Variants in FIGN observed in about 807,000 individuals in gnomAD.
FIGN encodes the protein fidgetin.
FIGN carries 11 observed loss-of-function variants against 51.3 expected under a neutral mutation model. The observed-to-expected ratio is 0.21, with a 90% CI of 0.13 to 0.35. The LOEUF (loss-of-function observed/expected upper bound fraction) is 0.35. Ranked by LOEUF, FIGN falls within the 10% of genes least tolerant of loss-of-function variation. The pLI, the probability that FIGN is intolerant of heterozygous loss-of-function variation, is 1.00. For synonymous variants in FIGN, 407 were observed against 363.2 expected (o/e 1.12, Z -1.37); for missense variants, 857 against 943.6 (o/e 0.91, Z 1.20).
At chr2:163,612,691 A>AGTGT (rs1188359717) in intron 2 of FIGN, 11 of 678,206 alleles carry the variant, frequency 1.6e-5, no homozygotes, top group Non-Finnish European at 1.9e-5. Context: ...AAGAGGGGAG[A>AGTGT]ATGTGTGTGT....
chr2:163,660,592 G>A (rs1317335766), intron 2 of FIGN, among the ~76,000 whole-genome samples: 1 of 148,906 alleles, frequency 6.7e-6, no homozygotes, highest in African/African-American at 2.5e-5. Context: ...TTCCACCTCT[G>A]GTGGACTATT....
chr2:163,625,280 C>G (rs983097495), intron 2 of FIGN, among the ~76,000 whole-genome samples: 1 of 151,942 alleles, frequency 6.6e-6, no homozygotes, highest in African/African-American at 2.4e-5. Context: ...GGAAAAATGG[C>G]ATTTCTATCA....
chr2:163,660,730 C>T (rs34279932), intron 2 of FIGN, among the ~76,000 whole-genome samples: 7,777 of 27,366 alleles, frequency 0.28, 2,036 homozygotes, highest in Admixed American at 0.37. Context: ...TATATGTATA[C>T]ACATATACAT....
chr2:163,669,033 T>TATATATATATAC (rs1165076478), intron 2 of FIGN, among the ~76,000 whole-genome samples: 9 of 148,630 alleles, frequency 6.1e-5, no homozygotes, highest in African/African-American at 1.7e-4. Flanking sequence ...TATATATATA[T>TATATATATATAC]ATACACTATA....
Position 163,726,068 on chromosome 2 carries a change from T to C in FIGN, c.25+8835A>G, listed in dbSNP as rs73974386. Among the ~76,000 whole-genome samples, 245 of 152,256 alleles carry C rather than the reference T, an allele frequency of 1.6e-3. 1 individual carries two copies. Among genetic ancestry groups the C allele is most frequent in the African/African-American group, 5.7e-3 (235 of 41,576 alleles). ...TATTTTTCCAATTAGGTAACACTTA[T>C]TGTATTCATAGTATGTTTAAAATCT... On this transcript the variant is annotated intron_variant, in intron 2 of 2. Coordinates refer to ENST00000333129, the MANE Select transcript of FIGN (RefSeq NM_018086.4).
chr2:163,631,094 G>C (rs1315541335), intron 2 of FIGN, among the ~76,000 whole-genome samples: 1 of 152,082 alleles, frequency 6.6e-6, no homozygotes, highest in Non-Finnish European at 1.5e-5. Flanking sequence ...CAACTATGTG[G>C]GAAGCAGAGC....
At chr2:163,678,095 A>G (rs1338518507) in intron 2 of FIGN, among the ~76,000 whole-genome samples, 4 of 152,236 alleles carry the variant, frequency 2.6e-5, no homozygotes, top group Admixed American at 6.5e-5. Flanking sequence ...ACCAATACCA[A>G]TACACTATTG....
chr2:163,645,355 C>A (rs1181484626), intron 2 of FIGN, among the ~76,000 whole-genome samples: 3 of 152,226 alleles, frequency 2.0e-5, no homozygotes, highest in East Asian at 1.9e-4. Flanking sequence ...AAAAACCTCA[C>A]CTTTGGGTAG....
At chr2:163,640,350 C>A (rs752896587) in intron 2 of FIGN, among the ~76,000 whole-genome samples, 4 of 151,898 alleles carry the variant, frequency 2.6e-5, no homozygotes, top group African/African-American at 4.8e-5. Flanking sequence ...CACAAAAACC[C>A]TCCTTGGTTA....
intron 2 of FIGN, among the ~76,000 whole-genome samples, chr2:163,724,643 CTTCCATAA>C (rs1684812326): frequency 6.6e-6 from 1 of 152,080 alleles, no homozygotes; most frequent in African/African-American, 2.4e-5. Flanking sequence ...ATGATTTCAA[CTTCCATAA>C]TGGCAGTAAA....
In FIGN at chr2:163,734,890, A is replaced by G. The variant is rs1171958480; in HGVS notation, c.25+13T>C. 1.2e-6 allele frequency: 2 copies of G among 1,603,252 alleles called. No homozygotes were observed. Among genetic ancestry groups the G allele is most frequent in the Non-Finnish European group, 1.7e-6 (2 of 1,175,648 alleles). ...TTTAGATGCAAAGGAAGTAAATTCC[A>G]AAACTGACATACCATAAACACTGGT... On this transcript the variant is annotated intron_variant, in intron 2 of 2. Transcript: ENST00000333129.
intron 2 of FIGN, chr2:163,612,329 C>T (rs1691282810): frequency 7.1e-6 from 7 of 985,184 alleles, no homozygotes; most frequent in African/African-American, 1.7e-5. Flanking sequence ...TCTAGGATAC[C>T]TCTCTTATTT....
chr2:163,734,457 T>C (rs572934430), intron 2 of FIGN, among the ~76,000 whole-genome samples: 6 of 150,778 alleles, frequency 4.0e-5, no homozygotes, highest in African/African-American at 1.5e-4. Context: ...TTTCATCCAG[T>C]CCTGTTCCTG....
intron 2 of FIGN, among the ~76,000 whole-genome samples, chr2:163,733,757 C>T (rs112153080): frequency 6.6e-5 from 10 of 152,284 alleles, no homozygotes; most frequent in Non-Finnish European, 1.2e-4. Context: ...GTGTATGTCG[C>T]GCAACGGGTC....
intron 2 of FIGN, among the ~76,000 whole-genome samples, chr2:163,704,116 T>G (rs534694565): frequency 5.0e-4 from 76 of 152,274 alleles, no homozygotes; most frequent in Non-Finnish European, 9.9e-4. Flanking sequence ...TTAAAAATTT[T>G]TAAAGCTTTA....
intron 2 of FIGN, among the ~76,000 whole-genome samples, chr2:163,651,653 T>TA (rs777673988): frequency 6.6e-6 from 1 of 152,172 alleles, no homozygotes; most frequent in Non-Finnish European, 1.5e-5. Context: ...AGCTAACCTT[T>TA]ATTAAAGCAA....
Position 163,610,951 on chromosome 2 carries a change from G to A in FIGN, c.881C>T (p.Thr294Ile). The change falls in exon 3 of 3, where the codon ACC becomes ATC. Residue 294 changes from threonine (T) to isoleucine (I), a missense_variant. Around this residue, in one of 3 missense-constraint regions of FIGN, gnomAD observed 799 missense variants for 849.5 expected, o/e 0.94. Coordinates refer to ENST00000333129, the MANE Select transcript of FIGN (RefSeq NM_018086.4). ...AGGTGTCAAACCATGGCCCTGGTAGGTGTAGCCAGGAACAGTGGTGGGGGG... is the reference window on the plus strand; with the variant it reads ...AGGTGTCAAACCATGGCCCTGGTAGATGTAGCCAGGAACAGTGGTGGGGGG... ...PLPPTTVPGY[T>I]YQGHGLTPIA... is the part of the protein sequence containing the mutation. The A allele has an allele frequency of 6.2e-7, 1 of 1,613,744 alleles. No homozygotes were observed. Among genetic ancestry groups the A allele is most frequent in the Non-Finnish European group, 8.5e-7 (1 of 1,179,912 alleles).
At chr2:163,654,386 A>C (rs1573928796) in intron 2 of FIGN, among the ~76,000 whole-genome samples, 1 of 152,282 alleles carries the variant, frequency 6.6e-6, no homozygotes, top group South Asian at 2.1e-4. Context: ...GCACCAACTA[A>C]GTGCTTAAGA....
rs751576888 is a variant in FIGN, at chr2:163,611,122, T to C, written c.710A>G (p.Asn237Ser). Residue 237 changes from asparagine to serine, a missense_variant, in exon 3 of 3, where the codon AAT becomes AGT. By Grantham distance (46) the Asn-to-Ser change is conservative. Transcript: ENST00000333129. ...GTAACTGGAGAGGTTAGAAGTCCCA[T>C]TGTAGCCTGGGACCAAGGCTGGTGG... ...PPPPALVPGYNGTSNLSSYSY... is the reference protein window; with the variant it reads ...PPPPALVPGYSGTSNLSSYSY... The C allele has an allele frequency of 1.5e-5, 24 of 1,613,944 alleles. No individual in the cohort carries two copies. Among genetic ancestry groups the C allele is most frequent in the East Asian group, 6.7e-5 (3 of 44,852 alleles).
Sources: allele counts gnomAD v4.1 joint callset (sites outside exome capture counted in the v4.1 genomes callset), GRCh38; gene constraint gnomAD v4.1.1; regional missense constraint gnomAD v4.1.1; transcripts MANE v1.5; gene names NCBI Gene and HGNC (gene_info 2026-07-23, HGNC 2026-07-21).